CDH20: variants seen among roughly 807,000 people sequenced by gnomAD.
CDH20 encodes cadherin 20.
Under a neutral mutation model 74.2 loss-of-function variants are expected in CDH20, and 29 were observed. The observed-to-expected ratio is 0.39, with a 90% CI of 0.29 to 0.53. CDH20 has a LOEUF of 0.53. CDH20 is among the 20% of genes least tolerant of loss of function. The pLI, the probability that CDH20 is intolerant of heterozygous loss-of-function variation, is 0.69. For synonymous variants in CDH20, 469 were observed against 405.4 expected (o/e 1.16, Z -1.88); for missense variants, 988 against 1,048.3 (o/e 0.94, Z 0.79).
chr18:61,425,957 C>T (rs1021445572), intron 1 of CDH20, among the ~76,000 whole-genome samples: 1 of 152,166 alleles, frequency 6.6e-6, no homozygotes, highest in Admixed American at 6.5e-5. Context: ...ACTCCCAGTA[C>T]TTCACTCTTT....
At chr18:61,378,181 A>C (rs898843661) in intron 1 of CDH20, among the ~76,000 whole-genome samples, 1 of 152,212 alleles carries the variant, frequency 6.6e-6, no homozygotes, top group African/African-American at 2.4e-5. Flanking sequence ...ATTTTAATAT[A>C]ATAGGTGTAT....
intron 1 of CDH20, among the ~76,000 whole-genome samples, chr18:61,418,722 A>C (rs1912782060): frequency 6.6e-6 from 1 of 152,126 alleles, no homozygotes; most frequent in Admixed American, 6.5e-5. Flanking sequence ...TATAACTTCC[A>C]CTTATTGGTT....
intron 1 of CDH20, among the ~76,000 whole-genome samples, chr18:61,477,019 T>C (rs1910411956): frequency 6.6e-6 from 1 of 152,132 alleles, no homozygotes; most frequent in Admixed American, 6.5e-5. Context: ...GCTTGAAAGG[T>C]GGTTCCAGTT....
intron 1 of CDH20, among the ~76,000 whole-genome samples, chr18:61,484,768 CACACACACACACACACACAT>C (rs1286442842): frequency 2.2e-5 from 2 of 89,378 alleles, no homozygotes; most frequent in Non-Finnish European, 5.2e-5. Flanking sequence ...CACACACACA[CACACACACACACACACACAT>C]CCCTACCATT....
At chr18:61,390,819 T>A (rs1911756714) in intron 1 of CDH20, among the ~76,000 whole-genome samples, 2 of 152,156 alleles carry the variant, frequency 1.3e-5, no homozygotes, top group Non-Finnish European at 2.9e-5. Context: ...AATAAATAAG[T>A]ATCCCTCCCT....
rs180741752 is a variant in CDH20 at position 61,360,805 on chromosome 18, C to T, written c.-153+26978C>T. ...TAACACCACTTGCCCCAAGGCTGGC[C>T]GCAGACAAAGAAGTGGGGAACAGCA... is the stretch of plus-strand genomic sequence containing the variant. On this transcript the variant is annotated intron_variant, in intron 1 of 11. Transcript: ENST00000262717. 1.2e-3 allele frequency among the ~76,000 whole-genome samples: 181 copies of T among 152,326 alleles called. 1 individual carries two copies. Among genetic ancestry groups the T allele is most frequent in the Non-Finnish European group, 2.0e-3 (135 of 68,030 alleles).
chr18:61,457,377 T>C (rs1909608388), intron 1 of CDH20, among the ~76,000 whole-genome samples: 1 of 152,162 alleles, frequency 6.6e-6, no homozygotes, highest in South Asian at 2.1e-4. Flanking sequence ...TCTCATTTAA[T>C]GCTAACAACC....
At chr18:61,419,984 T>C (rs1027849642) in intron 1 of CDH20, among the ~76,000 whole-genome samples, 1 of 151,640 alleles carries the variant, frequency 6.6e-6, no homozygotes, top group African/African-American at 2.4e-5. Context: ...GTACACAAGG[T>C]CAAAGATTTT....
intron 1 of CDH20, among the ~76,000 whole-genome samples, chr18:61,361,026 T>C (rs1194788216): frequency 6.6e-6 from 1 of 152,260 alleles, no homozygotes; most frequent in Non-Finnish European, 1.5e-5. Context: ...CTTGGTACTA[T>C]ATCATTAAGG....
chr18:61,452,975 G>A (rs1240241549), intron 1 of CDH20, among the ~76,000 whole-genome samples: 3 of 152,106 alleles, frequency 2.0e-5, no homozygotes, highest in Non-Finnish European at 4.4e-5. Context: ...TTCACATAAG[G>A]TTATGAAGAA....
At chr18:61,419,180 C>T (rs1388819033) in intron 1 of CDH20, among the ~76,000 whole-genome samples, 2 of 152,128 alleles carry the variant, frequency 1.3e-5, no homozygotes, top group Non-Finnish European at 2.9e-5. Context: ...CCTCCTACCT[C>T]AGCCGCCCGA....
intron 6 of CDH20, among the ~76,000 whole-genome samples, chr18:61,516,010 G>A (rs1911990569): frequency 6.6e-6 from 1 of 152,106 alleles, no homozygotes; most frequent in Non-Finnish European, 1.5e-5. Flanking sequence ...CTCCCCTAAA[G>A]TACAACATGG....
intron 1 of CDH20, among the ~76,000 whole-genome samples, chr18:61,394,765 C>T (rs1911908370): frequency 6.6e-6 from 1 of 152,014 alleles, no homozygotes. Flanking sequence ...TGGTGTTTAC[C>T]AATGTCGCTG....
In CDH20 at chr18:61,448,342, G is replaced by A. The variant is rs183341186; in HGVS notation, c.-152-42060G>A. On this transcript the variant is annotated intron_variant, in intron 1 of 11. Transcript: ENST00000262717. The stretch of plus-strand genomic sequence containing the variant: ...CTTTCCCCATCTATTAGATACATTA[G>A]AGAGGTCAAGTAATTTAAGTCTGAA... 1.3e-3 allele frequency among the ~76,000 whole-genome samples: 203 copies of A among 152,272 alleles called. 1 individual carries two copies. Among genetic ancestry groups the A allele is most frequent in the African/African-American group, 4.6e-3 (192 of 41,564 alleles).
At chr18:61,441,308 T>A (rs1909025122) in intron 1 of CDH20, among the ~76,000 whole-genome samples, 1 of 152,218 alleles carries the variant, frequency 6.6e-6, no homozygotes, top group African/African-American at 2.4e-5. Flanking sequence ...GGTATTCTAA[T>A]TATTATAAAT....
intron 3 of CDH20, 72 bp from the exon 4 acceptor site, chr18:61,500,311 T>A (rs1911329319): frequency 6.0e-6 from 9 of 1,508,606 alleles, no homozygotes; most frequent in Middle Eastern, 1.8e-4. Flanking sequence ...TGCTTTAAGA[T>A]GGACCGCTCA....
intron 2 of CDH20, 103 bp downstream of exon 2, chr18:61,490,902 C>T: frequency 1.6e-6 from 2 of 1,279,542 alleles, no homozygotes; most frequent in Non-Finnish European, 2.2e-6. Context: ...CTGAGAAAAA[C>T]TAGAACAAGT....
At chr18:61,373,041 G>A (rs950441524) in intron 1 of CDH20, among the ~76,000 whole-genome samples, 2 of 152,074 alleles carry the variant, frequency 1.3e-5, no homozygotes, top group Non-Finnish European at 2.9e-5. Flanking sequence ...GACTCTGTGG[G>A]CTCATGGTTA....
chr18:61,424,594 A>G (rs1255935254), intron 1 of CDH20, among the ~76,000 whole-genome samples: 2 of 152,246 alleles, frequency 1.3e-5, no homozygotes, highest in African/African-American at 4.8e-5. Flanking sequence ...ATTTGTATGT[A>G]CTAATTTTAT....
Sources: gnomAD v4.1 joint callset for allele counts (sites outside exome capture counted in the v4.1 genomes callset) on GRCh38, gnomAD v4.1.1 for gene constraint, MANE v1.5 for transcripts, NCBI Gene and HGNC (gene_info 2026-07-23, HGNC 2026-07-21) for gene names.